Variants in RPN2 observed in about 807,000 individuals in gnomAD.
The protein encoded by RPN2 is dolichyl-diphosphooligosaccharide--protein glycosyltransferase subunit 2.
In RPN2, 29 loss-of-function variants were observed where a neutral mutation model predicts 71.4. That is an observed-to-expected ratio of 0.41 (90% CI 0.30 to 0.55). The LOEUF is 0.55. Ranked by LOEUF, RPN2 falls within the 20% of genes least tolerant of loss-of-function variation. The pLI is 0.35. For synonymous variants in RPN2, 308 were observed against 305.0 expected (o/e 1.01, Z -0.10); for missense variants, 726 against 774.1 (o/e 0.94, Z 0.74).
At chr20:37,194,189 CTG>C (rs937666974) in intron 2 of RPN2, among the ~76,000 whole-genome samples, 7 of 152,118 alleles carry the variant, frequency 4.6e-5, no homozygotes, top group African/African-American at 1.7e-4. Flanking sequence ...GACATGAAGA[CTG>C]GAGCAGTGTG....
intron 4 of RPN2, among the ~76,000 whole-genome samples, chr20:37,200,734 C>A (rs2268040): frequency 0.77 from 116,769 of 151,864 alleles, 45,360 homozygotes; most frequent in Middle Eastern, 0.89. Flanking sequence ...CAGTGCTTGG[C>A]CCTTTTGGGC....
In RPN2 at chr20:37,210,175, G is replaced by T; in HGVS notation, c.986+10G>T. On this transcript the variant is annotated intron_variant, in intron 8 of 16. Transcript: ENST00000237530. ...CCTTCACCCCTGTAGGGTAAGTCCT[G>T]ATCATATTTTGGTGGGGCGCTGACC... 1 of 1,613,650 alleles carries T rather than the reference G, an allele frequency of 6.2e-7. No individual in the cohort carries two copies. Among genetic ancestry groups the T allele is most frequent in the South Asian group, 1.1e-5 (1 of 91,066 alleles).
chr20:37,185,811 A>G (rs1339374413), intron 2 of RPN2, among the ~76,000 whole-genome samples: 1 of 152,220 alleles, frequency 6.6e-6, no homozygotes, highest in Admixed American at 6.5e-5. Flanking sequence ...ATAATCCTGC[A>G]GGTCAGAAGT....
chr20:37,215,366 T>C (rs2146629727), intron 9 of RPN2, among the ~76,000 whole-genome samples: 1 of 152,366 alleles, frequency 6.6e-6, no homozygotes, highest in Non-Finnish European at 1.5e-5. Context: ...CCTCATGTGT[T>C]GACCTTTTTA....
At chr20:37,232,054 A>G (rs181582588) in intron 13 of RPN2, among the ~76,000 whole-genome samples, 2 of 152,276 alleles carry the variant, frequency 1.3e-5, no homozygotes, top group East Asian at 3.9e-4. Context: ...TGAAGGGAAT[A>G]AAGGGTTGGC....
At chr20:37,183,574 C>T (rs1392395252) in intron 1 of RPN2, among the ~76,000 whole-genome samples, 1 of 152,120 alleles carries the variant, frequency 6.6e-6, no homozygotes, top group Admixed American at 6.6e-5. Flanking sequence ...ACTGAGGCAC[C>T]AGCTGGTTGA....
intron 2 of RPN2, among the ~76,000 whole-genome samples, chr20:37,186,510 C>T (rs771164551): frequency 1.3e-5 from 2 of 152,136 alleles, no homozygotes; most frequent in African/African-American, 2.4e-5. Flanking sequence ...GATGAGGTCT[C>T]GCTATGTTGC....
Position 37,225,671 on chromosome 20 carries a change from C to A in RPN2, c.1185-17C>A. 5 of 1,547,238 alleles carry A rather than the reference C, an allele frequency of 3.2e-6. No homozygotes were observed. Among genetic ancestry groups the A allele is most frequent in the Non-Finnish European group, 4.5e-6 (5 of 1,118,882 alleles). ...TACTGATCCTCTCTGAAGACTAACT[C>A]TATATGCCTCTTTCAGGGTGACATA... On this transcript the variant is annotated splice_polypyrimidine_tract_variant and intron_variant, in intron 10 of 16. Transcript: ENST00000237530.
Position 37,184,196 on chromosome 20 carries a change from C to T in RPN2, c.30C>T (p.Phe10=), listed in dbSNP as rs1232982894. The change falls in exon 2 of 17, where the codon TTC becomes TTT. Residue 10 remains phenylalanine (F), a synonymous_variant. Coordinates refer to ENST00000237530, the MANE Select transcript of RPN2 (RefSeq NM_002951.5). ...CCCCCCAAGGTTCAAGCACTGTCTT[C>T]CTGTTGGCCCTGACAATCATAGCCA... is the stretch of plus-strand genomic sequence containing the variant. MAPPGSSTV[F]LLALTIIAST... 1.2e-6 allele frequency: 2 copies of T among 1,614,174 alleles called. No homozygotes were observed. Among genetic ancestry groups the T allele is most frequent in the Non-Finnish European group, 8.5e-7 (1 of 1,180,032 alleles).
chr20:37,195,630 A>T (rs1800373111), intron 2 of RPN2, among the ~76,000 whole-genome samples: 1 of 152,254 alleles, frequency 6.6e-6, no homozygotes, highest in African/African-American at 2.4e-5. Flanking sequence ...ACAGCGTTTG[A>T]CACATTTTAA....
chr20:37,197,660 G>A (rs2067283624), intron 2 of RPN2, among the ~76,000 whole-genome samples: 1 of 152,148 alleles, frequency 6.6e-6, no homozygotes, highest in African/African-American at 2.4e-5. Flanking sequence ...AGACTGGAGT[G>A]TAGTGGCATG....
At chr20:37,203,361 CTTTTTTTTTT>C (rs11348988) in intron 4 of RPN2, among the ~76,000 whole-genome samples, 103,920 of 138,746 alleles carry the variant, frequency 0.75, 38,221 homozygotes, top group Middle Eastern at 0.87. Context: ...TTGCTTCAAT[CTTTTTTTTTT>C]TTTTTTTTTT....
Position 37,236,506 on chromosome 20 carries a change from A to T in RPN2, c.1754-74A>T. On this transcript the variant is annotated intron_variant, in intron 15 of 16. Coordinates refer to ENST00000237530, the MANE Select transcript of RPN2 (RefSeq NM_002951.5). ...ACCTTTTCATGATCCAACAGTTGCTATGTCTAACTTTCCTCAACCGCAGGG... is the reference window on the plus strand; with the variant it reads ...ACCTTTTCATGATCCAACAGTTGCTTTGTCTAACTTTCCTCAACCGCAGGG... The T allele has an allele frequency of 9.3e-6, 14 of 1,500,190 alleles. No homozygotes were observed. In the South Asian group the frequency reaches 1.6e-4, roughly 17 times the overall value. 92.9% of individuals were successfully genotyped at this position (1,500,190 alleles called of 1,614,324 possible).
At chr20:37,181,940 A>C (rs1239519514) in intron 1 of RPN2, among the ~76,000 whole-genome samples, 1 of 152,136 alleles carries the variant, frequency 6.6e-6, no homozygotes, top group Non-Finnish European at 1.5e-5. Context: ...TTTTGTCACT[A>C]GAATAGAAGC....
intron 15 of RPN2, among the ~76,000 whole-genome samples, chr20:37,235,141 A>G (rs2068351910): frequency 6.6e-6 from 1 of 152,054 alleles, no homozygotes; most frequent in African/African-American, 2.4e-5. Context: ...TGATCAGATT[A>G]TTATGGTGCA....
intron 9 of RPN2, among the ~76,000 whole-genome samples, 173 bp downstream of exon 9, chr20:37,214,038 G>A (rs1169188606): frequency 6.6e-6 from 1 of 152,174 alleles, no homozygotes; most frequent in Non-Finnish European, 1.5e-5. Flanking sequence ...TAGTAGCTAA[G>A]GCAGTAAATC....
At chr20:37,238,735 T>A in intron 16 of RPN2, 3 of 664,658 alleles carry the variant, frequency 4.5e-6, no homozygotes, top group Non-Finnish European at 8.5e-6. Flanking sequence ...TCCCGTGGGG[T>A]ACTTACTTAT....
rs1043992431 is a variant in RPN2 at position 37,189,578 on chromosome 20, C to T, written c.207+5205C>T. Among the ~76,000 whole-genome samples the T allele has an allele frequency of 3.3e-5, 5 of 152,158 alleles. No individual in the cohort carries two copies. The East Asian group carries it at 7.7e-4, about 23-fold the overall frequency. The stretch of plus-strand genomic sequence containing the variant: ...CAATGTTTTCTTCCTGTGTGTGACT[C>T]TATTAAAGATACAGACGTTTCCTCA... On this transcript the variant is annotated intron_variant, in intron 2 of 16. Transcript: ENST00000237530.
rs781556628 is a variant in RPN2, at chr20:37,184,238, G to T, written c.72G>T (p.Thr24=). The change falls in exon 2 of 17, where the codon ACG becomes ACT. Residue 24 remains threonine (T), a synonymous_variant. Coordinates refer to ENST00000237530, the MANE Select transcript of RPN2 (RefSeq NM_002951.5). Reference sequence around the variant, plus strand: ...TCATAGCCAGCACCTGGGCTCTGACGCCCACTCACTACCTCACCAAGCATG... The same window carrying T: ...TCATAGCCAGCACCTGGGCTCTGACTCCCACTCACTACCTCACCAAGCATG... ...LTIIASTWAL[T]PTHYLTKHDV... 1 of 1,614,000 alleles carries T rather than the reference G, an allele frequency of 6.2e-7. No homozygotes were observed. The highest frequency in any genetic ancestry group is 8.5e-7 in the Non-Finnish European group (1 of 1,180,040).
Sources: allele counts gnomAD v4.1 joint callset (sites outside exome capture counted in the v4.1 genomes callset), GRCh38; gene constraint gnomAD v4.1.1; transcripts MANE v1.5; gene names NCBI Gene and HGNC (gene_info 2026-07-23, HGNC 2026-07-21).